Variants in GRAMD4 observed in about 807,000 individuals in gnomAD.
GRAMD4 encodes the protein GRAM domain-containing protein 4.
GRAMD4 carries 25 observed loss-of-function variants against 83.9 expected under a neutral mutation model. The observed-to-expected ratio is 0.30, with a 90% CI of 0.22 to 0.42. The LOEUF (loss-of-function observed/expected upper bound fraction) is 0.42, where lower values mean the gene tolerates loss of function less well. Ranked by LOEUF, GRAMD4 falls within the 10% of genes least tolerant of loss-of-function variation. The probability of loss-of-function intolerance (pLI) is 1.00; values close to 1 mark genes in which losing one functional copy is unlikely to be tolerated. For synonymous variants in GRAMD4, 336 were observed against 320.9 expected (o/e 1.05, Z -0.50); for missense variants, 593 against 788.7 (o/e 0.75, Z 2.97).
chr22:46,634,945 C>CA lies in GRAMD4; in HGVS notation c.163-2881dup, dbSNP rs879672333. Among the ~76,000 whole-genome samples the CA allele has an allele frequency of 5.7e-3, 737 of 128,316 alleles. 3 individuals carry two copies. Among genetic ancestry groups the CA allele is most frequent in the African/African-American group, 0.017 (609 of 35,604 alleles). 84.2% of individuals were successfully genotyped at this position (128,316 alleles called of 152,430 possible). On this transcript the variant is annotated intron_variant, in intron 2 of 18. Transcript: ENST00000406902. ...GCGACAGAGTGAGACTTCACCATCT[C>CA]AAAAAAAAAAAAAAGAAATCATAAT...
intron 1 of GRAMD4, among the ~76,000 whole-genome samples, chr22:46,587,217 T>A (rs573194218): frequency 3.3e-5 from 5 of 152,150 alleles, no homozygotes; most frequent in Non-Finnish European, 7.3e-5. Flanking sequence ...GTGTGCCCGC[T>A]GGGCTGTGAT....
intron 1 of GRAMD4, among the ~76,000 whole-genome samples, chr22:46,602,354 T>C (rs1307916119): frequency 1.3e-5 from 2 of 152,344 alleles, no homozygotes; most frequent in Non-Finnish European, 2.9e-5. Flanking sequence ...TGCCAGTCTT[T>C]TGGGGAAGTG....
At chr22:46,595,614 C>G (rs1449144618) in intron 1 of GRAMD4, among the ~76,000 whole-genome samples, 1 of 152,210 alleles carries the variant, frequency 6.6e-6, no homozygotes, top group African/African-American at 2.4e-5. Flanking sequence ...TGGGAGGCCC[C>G]TCTTCCTGCC....
intron 2 of GRAMD4, among the ~76,000 whole-genome samples, chr22:46,628,200 C>T (rs2081700977): frequency 6.6e-6 from 1 of 152,204 alleles, no homozygotes; most frequent in East Asian, 1.9e-4. Flanking sequence ...CACGCAAAGG[C>T]CAGAGCGGGG....
chr22:46,612,859 G>A (rs889962017), intron 1 of GRAMD4, among the ~76,000 whole-genome samples: 1 of 152,310 alleles, frequency 6.6e-6, no homozygotes, highest in African/African-American at 2.4e-5. Flanking sequence ...CCTGCTTCCC[G>A]GGGCCCCCAG....
chr22:46,618,751 GA>G (rs1314245253), upstream of GRAMD4, among the ~76,000 whole-genome samples: 1 of 152,200 alleles, frequency 6.6e-6, no homozygotes, highest in African/African-American at 2.4e-5. This position sits in a 1 kb window ranked among gnomAD's most constrained non-coding sequence, Gnocchi z 5.8. Flanking sequence ...GGGTCGTGGG[GA>G]GAGGTGGACA....
rs774310855 is a variant in GRAMD4, at chr22:46,620,784, G to T, written c.-50+219G>T. 5.9e-5 allele frequency among the ~76,000 whole-genome samples: 9 copies of T among 152,218 alleles called. No individual in the cohort carries two copies. The highest frequency in any genetic ancestry group is 1.2e-4 in the Non-Finnish European group (8 of 68,032). On this transcript the variant is annotated intron_variant, in intron 1 of 18. Transcript: ENST00000406902. The surrounding 1 kb of genome is among the most constrained non-coding windows in gnomAD (Gnocchi z 4.7). ...TGCGCAGCCCGGGGCCAGGGGTCCAGTGAGGAAGGGTGGAGGCCTCCTGAG... is the reference window on the plus strand; with the variant it reads ...TGCGCAGCCCGGGGCCAGGGGTCCATTGAGGAAGGGTGGAGGCCTCCTGAG...
downstream of GRAMD4, among the ~76,000 whole-genome samples, chr22:46,681,522 C>CTG (rs922034221): frequency 2.6e-5 from 4 of 152,202 alleles, no homozygotes; most frequent in African/African-American, 4.8e-5. Flanking sequence ...ACCAGAGGGG[C>CTG]TGTGCAACAA....
intron 1 of GRAMD4, among the ~76,000 whole-genome samples, chr22:46,579,018 T>A (rs1005518458): frequency 2.0e-5 from 3 of 152,224 alleles, no homozygotes; most frequent in African/African-American, 7.2e-5. Flanking sequence ...GCTGCCCCTA[T>A]GGCTGATGCG....
chr22:46,599,642 T>C (rs1021673168), intron 1 of GRAMD4, among the ~76,000 whole-genome samples: 34 of 152,286 alleles, frequency 2.2e-4, no homozygotes, highest in African/African-American at 7.2e-4. Flanking sequence ...TTAAGTTTTT[T>C]TGAGAATTAA....
At chr22:46,651,155 C>T (rs1208534826) in intron 3 of GRAMD4, among the ~76,000 whole-genome samples, 1 of 152,212 alleles carries the variant, frequency 6.6e-6, no homozygotes, top group Non-Finnish European at 1.5e-5. Flanking sequence ...TGGATGAGAA[C>T]TCACGAGGCA....
chr22:46,678,551 C>G lies in GRAMD4; in HGVS notation c.*1300C>G. On this transcript the variant is annotated 3_prime_UTR_variant, in exon 19 of 19. Coordinates refer to ENST00000406902, the MANE Select transcript of GRAMD4 (RefSeq NM_015124.5). ...GGGCCTCCTGGAAGGAGGTGGCCAC[C>G]CCGCGGGCCTGCGTGTCTGCTGGGG... 2.0e-6 allele frequency: 2 copies of G among 985,404 alleles called. No homozygotes were observed. The highest frequency in any genetic ancestry group is 2.4e-6 in the Non-Finnish European group (2 of 829,914). The allele number at this position is 985,404 out of a possible 1,614,324, so 61.0% of individuals were successfully genotyped here. A position where few individuals can be genotyped will look rare whatever the true frequency, so the allele number is the denominator to read the frequency against.
intron 1 of GRAMD4, among the ~76,000 whole-genome samples, chr22:46,591,572 C>A (rs921526963): frequency 1.3e-5 from 2 of 151,132 alleles, no homozygotes; most frequent in African/African-American, 4.9e-5. Flanking sequence ...CGGTGCCTCA[C>A]GCCTGTAATC....
In GRAMD4 at chr22:46,672,128, C is replaced by T. The variant is rs537394238; in HGVS notation, c.1085-715C>T. Among the ~76,000 whole-genome samples the T allele has an allele frequency of 1.6e-4, 25 of 152,270 alleles. No individual in the cohort carries two copies. The South Asian group carries it at 4.1e-3, about 25-fold the overall frequency. Reference sequence around the variant, plus strand: ...ACAGCTTTTGCTGCCCAGGGGGGTGCGTTAGCAGGTGTGTGGGGGCCGGCC... The same window carrying T: ...ACAGCTTTTGCTGCCCAGGGGGGTGTGTTAGCAGGTGTGTGGGGGCCGGCC... On this transcript the variant is annotated intron_variant, in intron 13 of 18. Coordinates refer to ENST00000406902, the MANE Select transcript of GRAMD4 (RefSeq NM_015124.5). The surrounding 1 kb of genome is among the most constrained non-coding windows in gnomAD (Gnocchi z 4.7).
At chr22:46,638,932 G>A (rs875558) in intron 3 of GRAMD4, among the ~76,000 whole-genome samples, 48,296 of 152,002 alleles carry the variant, frequency 0.32, 8,166 homozygotes, top group African/African-American at 0.36. Context: ...TTGTCATCTG[G>A]GTGCCCTGTC....
At chr22:46,584,227 C>T (rs1303684298) in intron 1 of GRAMD4, among the ~76,000 whole-genome samples, 2 of 152,002 alleles carry the variant, frequency 1.3e-5, no homozygotes, top group Non-Finnish European at 2.9e-5. Context: ...GCAGGGAGCC[C>T]GGGTTCCTTT....
intron 2 of GRAMD4, among the ~76,000 whole-genome samples, chr22:46,632,327 G>A (rs1439095516): frequency 6.6e-6 from 1 of 152,230 alleles, no homozygotes; most frequent in Non-Finnish European, 1.5e-5. Flanking sequence ...GGTGACCCCC[G>A]ACCAGGAGGC....
chr22:46,585,903 C>T (rs964605603), intron 1 of GRAMD4, among the ~76,000 whole-genome samples: 5 of 152,224 alleles, frequency 3.3e-5, no homozygotes, highest in Non-Finnish European at 7.3e-5. Flanking sequence ...GGAGACCCAA[C>T]CAGCATGTGC....
chr22:46,577,174 C>A (rs1468140733), exon 1 of GRAMD4: 2 of 574,250 alleles, frequency 3.5e-6, no homozygotes, highest in Admixed American at 1.3e-4. Context: ...GCCGCCTCCT[C>A]CCGGCTCCCC....
Sources: gnomAD v4.1 joint callset for allele counts (sites outside exome capture counted in the v4.1 genomes callset) on GRCh38, gnomAD v4.1.1 for gene constraint, Gnocchi (gnomAD v3.1) non-coding constraint, MANE v1.5 for transcripts, NCBI Gene and HGNC (gene_info 2026-07-23, HGNC 2026-07-21) for gene names.